EPHA6: variants seen among roughly 807,000 people sequenced by gnomAD.
EPHA6 encodes the protein EPH receptor A6.
A neutral mutation model predicts 112.0 loss-of-function variants in EPHA6; 50 were observed. That is an observed-to-expected ratio of 0.45 (90% CI 0.36 to 0.56). The LOEUF (loss-of-function observed/expected upper bound fraction) is 0.56. Among genes scored for constraint, EPHA6 ranks in the 20% least tolerant of loss-of-function variants. The pLI, the probability that EPHA6 is intolerant of heterozygous loss-of-function variation, is 0.00. For synonymous variants in EPHA6, 529 were observed against 490.7 expected (o/e 1.08, Z -1.03); for missense variants, 1,280 against 1,417.4 (o/e 0.90, Z 1.56).
chr3:97,496,111 T>C (rs1313889967), intron 10 of EPHA6, among the ~76,000 whole-genome samples: 1 of 152,174 alleles, frequency 6.6e-6, no homozygotes, highest in Non-Finnish European at 1.5e-5. Context: ...CATGGTGGAC[T>C]AAATGAATTC....
At chr3:97,292,705 C>T (rs1391010344) in intron 5 of EPHA6, among the ~76,000 whole-genome samples, 2 of 150,476 alleles carry the variant, frequency 1.3e-5, no homozygotes, top group Non-Finnish European at 3.0e-5. Flanking sequence ...GGAGAGGAGA[C>T]CCGTGGTAGG....
intron 6 of EPHA6, among the ~76,000 whole-genome samples, chr3:97,434,938 T>C (rs2089741402): frequency 7.1e-6 from 1 of 140,536 alleles, no homozygotes; most frequent in Admixed American, 7.2e-5. Flanking sequence ...TTTCTAAGGC[T>C]CCTCCTCCAC....
intron 3 of EPHA6, among the ~76,000 whole-genome samples, chr3:97,154,374 A>G (rs1336475367): frequency 6.6e-6 from 1 of 152,156 alleles, no homozygotes; most frequent in African/African-American, 2.4e-5. Flanking sequence ...TAATAATTAT[A>G]TATACTTGTG....
At chr3:97,309,004 C>A (rs1378524217) in intron 5 of EPHA6, among the ~76,000 whole-genome samples, 1 of 151,602 alleles carries the variant, frequency 6.6e-6, no homozygotes, top group Non-Finnish European at 1.5e-5. Flanking sequence ...TTATTTTCTA[C>A]AGGAGAATTA....
At chr3:97,696,206 T>A (rs137974524) in intron 14 of EPHA6, among the ~76,000 whole-genome samples, 70 of 152,348 alleles carry the variant, frequency 4.6e-4, no homozygotes, top group African/African-American at 1.7e-3. Context: ...ATCTTGCCAC[T>A]GCTTTCTAGC....
intron 14 of EPHA6, among the ~76,000 whole-genome samples, chr3:97,707,567 AG>A (rs1357490672): frequency 1.3e-5 from 2 of 152,214 alleles, no homozygotes; most frequent in Non-Finnish European, 2.9e-5. Flanking sequence ...TGAAGAATAA[AG>A]GTTTGTATAA....
chr3:96,828,464 A>G (rs916998237), intron 1 of EPHA6, among the ~76,000 whole-genome samples: 6 of 152,234 alleles, frequency 3.9e-5, no homozygotes, highest in African/African-American at 1.4e-4. Flanking sequence ...TGGTGTTTAG[A>G]GATGGAAAAG....
chr3:97,378,340 G>T (rs1377674830), intron 5 of EPHA6, among the ~76,000 whole-genome samples: 1 of 152,096 alleles, frequency 6.6e-6, no homozygotes, highest in Non-Finnish European at 1.5e-5. Flanking sequence ...ATATGGAAAT[G>T]CCTGGATTGT....
intron 2 of EPHA6, among the ~76,000 whole-genome samples, chr3:96,899,007 G>A (rs867212727): frequency 6.8e-6 from 1 of 147,436 alleles, no homozygotes; most frequent in Non-Finnish European, 1.5e-5. Flanking sequence ...CAGCCTGGGC[G>A]ACAGAGCGAA....
Position 96,947,648 on chromosome 3 carries a change from A to G in EPHA6, c.451-39682A>G, listed in dbSNP as rs2041337508. Among the ~76,000 whole-genome samples the G allele has an allele frequency of 2.6e-5, 4 of 152,330 alleles. No homozygotes were observed. The South Asian group carries it at 6.2e-4, about 24-fold the overall frequency. On this transcript the variant is annotated intron_variant, in intron 2 of 17. Transcript: ENST00000389672. ...AATCATGAGTGAACTCCCATTCACA[A>G]TTGCTTCAAAGAGAATAAAATACCT...
chr3:97,736,360 A>G (rs1337014300), intron 16 of EPHA6, among the ~76,000 whole-genome samples: 1 of 151,606 alleles, frequency 6.6e-6, no homozygotes, highest in Non-Finnish European at 1.5e-5. Flanking sequence ...ATCTTTCTGA[A>G]TTACTTTGTT....
intron 5 of EPHA6, among the ~76,000 whole-genome samples, chr3:97,304,505 CT>C (rs139046041): frequency 0.062 from 9,466 of 152,062 alleles, 690 homozygotes; most frequent in East Asian, 0.39. Flanking sequence ...TACTACAAGG[CT>C]ACAGTAACCA....
chr3:96,907,738 T>A (rs1242500016), intron 2 of EPHA6, among the ~76,000 whole-genome samples: 1 of 151,876 alleles, frequency 6.6e-6, no homozygotes, highest in Non-Finnish European at 1.5e-5. Flanking sequence ...ATATATATAT[T>A]TTGTGTAATA....
rs1326656892 is a variant in EPHA6 at position 97,749,361 on chromosome 3, T to C, written c.*660T>C. 1 of 206,986 alleles carries C rather than the reference T, an allele frequency of 4.8e-6. No homozygotes were observed. The highest frequency in any genetic ancestry group is 2.3e-5 in the African/African-American group (1 of 43,840). 12.8% of individuals were successfully genotyped at this position (206,986 alleles called of 1,614,324 possible). ...CTTCTGAGGCTGGGTTTGTCAATTT[T>C]TTAAAAATTAACTTTATAATGTCAT... is the stretch of plus-strand genomic sequence containing the variant. On this transcript the variant is annotated 3_prime_UTR_variant, in exon 18 of 18. Coordinates refer to ENST00000389672, the MANE Select transcript of EPHA6 (RefSeq NM_001080448.3).
intron 1 of EPHA6, among the ~76,000 whole-genome samples, chr3:96,826,713 A>C (rs749030275): frequency 4.3e-5 from 6 of 138,602 alleles, no homozygotes; most frequent in Non-Finnish European, 1.0e-4. Context: ...GTTATTTCCA[A>C]ATATTTTTCC....
chr3:97,643,970 A>G (rs1249470788), intron 14 of EPHA6, among the ~76,000 whole-genome samples: 3 of 151,274 alleles, frequency 2.0e-5, no homozygotes, highest in Non-Finnish European at 4.4e-5. Flanking sequence ...TCCACCCCAA[A>G]TCAACAGAAT....
chr3:97,308,181 C>T (rs2081400077), intron 5 of EPHA6, among the ~76,000 whole-genome samples: 1 of 151,632 alleles, frequency 6.6e-6, no homozygotes, highest in Admixed American at 6.6e-5. Context: ...CCACTAATTT[C>T]CTTAACTCAA....
chr3:97,545,276 G>A (rs1008398212), intron 11 of EPHA6, among the ~76,000 whole-genome samples: 6 of 151,948 alleles, frequency 3.9e-5, no homozygotes, highest in African/African-American at 7.2e-5. Flanking sequence ...CTTTGTTCTC[G>A]TTGGTTTCAA....
chr3:97,099,123 T>C (rs748871794), intron 3 of EPHA6, among the ~76,000 whole-genome samples: 2 of 151,940 alleles, frequency 1.3e-5, no homozygotes, highest in Non-Finnish European at 2.9e-5. Context: ...GTGAAGTAAT[T>C]ATTCCAGTGA....
Sources: gnomAD v4.1 joint callset for allele counts (sites outside exome capture counted in the v4.1 genomes callset) on GRCh38, gnomAD v4.1.1 for gene constraint, MANE v1.5 for transcripts, NCBI Gene and HGNC (gene_info 2026-07-23, HGNC 2026-07-21) for gene names.